The following GLIPR1L1 variants were observed in gnomAD, a reference collection of about 807,000 sequenced individuals.
The protein encoded by GLIPR1L1 is GLIPR1 like 1, also known as GLIPR1-like protein 1.
GLIPR1L1 carries 26 observed loss-of-function variants against 29.9 expected under a neutral mutation model. That is an observed-to-expected ratio of 0.87 (90% CI 0.64 to 1.21). The LOEUF (loss-of-function observed/expected upper bound fraction) is 1.21. GLIPR1L1 is among the 50% of genes most tolerant of loss of function. The pLI, the probability that GLIPR1L1 is intolerant of heterozygous loss-of-function variation, is 0.00. For missense variants in GLIPR1L1, 305 were observed against 290.3 expected (o/e 1.05, Z -0.37); for synonymous variants, 77 against 97.5 (o/e 0.79, Z 1.24).
intron 3 of GLIPR1L1, among the ~76,000 whole-genome samples, chr12:75,350,581 G>A (rs1349654814): frequency 1.3e-5 from 2 of 152,022 alleles, no homozygotes; most frequent in Admixed American, 6.5e-5. Context: ...TCTGGAGTAG[G>A]CCCCCAGGAA....
At chr12:75,343,994 A>G in intron 2 of GLIPR1L1, 56 bp downstream of exon 2, 1 of 1,411,790 alleles carries the variant, frequency 7.1e-7, no homozygotes, top group Non-Finnish European at 9.7e-7. Context: ...TTTAATTGCC[A>G]GAATTTATTT....
chr12:75,360,321 G>A (rs1295768772), intron 3 of GLIPR1L1: 2 of 152,106 alleles, frequency 1.3e-5, no homozygotes, highest in African/African-American at 2.4e-5. Flanking sequence ...TTAACTCAAA[G>A]TCCATAATCC....
At chr12:75,368,188 C>T (rs4882689) in intron 4 of GLIPR1L1, among the ~76,000 whole-genome samples, 43,150 of 148,710 alleles carry the variant, frequency 0.29, 7,611 homozygotes, top group East Asian at 0.46. Context: ...CTTTCATTCT[C>T]GTGATAAATC....
In GLIPR1L1 at chr12:75,343,770, T is replaced by C. The variant is rs759111332; in HGVS notation, c.252T>C (p.Asp84=). Residue 84 remains aspartate (D), a synonymous_variant, in exon 2 of 6, where the codon GAT becomes GAC. Transcript: ENST00000378695. ...AATTTGAACATAATGACTGTTTGGA[T>C]AAATCATATAAATGCTATGCAGCTT... ...QCKFEHNDCL[D]KSYKCYAAFE... is the part of the protein sequence containing the mutation. 1 of 1,613,100 alleles carries C rather than the reference T, an allele frequency of 6.2e-7. No individual in the cohort carries two copies. Among genetic ancestry groups the C allele is most frequent in the Admixed American group, 1.7e-5 (1 of 59,988 alleles).
At chr12:75,356,682 T>C (rs768360370) in intron 3 of GLIPR1L1, among the ~76,000 whole-genome samples, 1 of 152,130 alleles carries the variant, frequency 6.6e-6, no homozygotes, top group Non-Finnish European at 1.5e-5. Context: ...GATGATAGCA[T>C]CAAACCTAAC....
intron 1 of GLIPR1L1, among the ~76,000 whole-genome samples, chr12:75,337,308 G>A (rs992839511): frequency 1.7e-4 from 26 of 151,762 alleles, no homozygotes; most frequent in Middle Eastern, 6.9e-3. Flanking sequence ...AATATCAAAA[G>A]TTGGTTTAAA....
chr12:75,349,542 G>A (rs1429094980), intron 3 of GLIPR1L1, among the ~76,000 whole-genome samples: 3 of 152,094 alleles, frequency 2.0e-5, no homozygotes, highest in African/African-American at 7.2e-5. Flanking sequence ...AACTTACACA[G>A]ATGTTATAAT....
intron 3 of GLIPR1L1, among the ~76,000 whole-genome samples, chr12:75,350,740 A>C (rs2042751686): frequency 6.6e-6 from 1 of 152,244 alleles, no homozygotes; most frequent in Non-Finnish European, 1.5e-5. Flanking sequence ...AAGATGAGAA[A>C]GAATCAACGC....
chr12:75,341,168 T>G (rs1011763559), intron 1 of GLIPR1L1, among the ~76,000 whole-genome samples: 5 of 152,226 alleles, frequency 3.3e-5, no homozygotes, highest in African/African-American at 1.2e-4. Flanking sequence ...CAAATATTTA[T>G]GGATACTCCC....
chr12:75,365,686 C>G (rs769465055), intron 4 of GLIPR1L1, among the ~76,000 whole-genome samples: 9 of 151,912 alleles, frequency 5.9e-5, no homozygotes, highest in Non-Finnish European at 2.9e-5. Flanking sequence ...TTACATTTAC[C>G]TCATTATTTA....
intron 4 of GLIPR1L1, among the ~76,000 whole-genome samples, chr12:75,366,536 A>G (rs2043973040): frequency 6.6e-6 from 1 of 152,162 alleles, no homozygotes; most frequent in Admixed American, 6.6e-5. Flanking sequence ...GCATGCCCTC[A>G]AACTTTTTCA....
intron 3 of GLIPR1L1, chr12:75,360,203 C>G (rs1422623949): frequency 6.6e-6 from 1 of 152,078 alleles, no homozygotes; most frequent in East Asian, 1.9e-4. Context: ...GGACACAGAG[C>G]CAAACCCTAT....
In GLIPR1L1 at chr12:75,370,307, T is replaced by C. The variant is rs187648553; in HGVS notation, c.*131T>C. Reference sequence around the variant, plus strand: ...CTTGCCTGATACCTAAATTTAATGTTTGTTTTTAACTCAAAAAATGTACTG... The same window carrying C: ...CTTGCCTGATACCTAAATTTAATGTCTGTTTTTAACTCAAAAAATGTACTG... On this transcript the variant is annotated 3_prime_UTR_variant, in exon 6 of 6. Coordinates refer to ENST00000378695, the MANE Select transcript of GLIPR1L1 (RefSeq NM_001304964.2). 1.4e-5 allele frequency: 8 copies of C among 566,528 alleles called. No individual in the cohort carries two copies. The East Asian group carries it at 2.2e-4, about 16-fold the overall frequency. 35.1% of individuals were successfully genotyped at this position (566,528 alleles called of 1,614,324 possible).
chr12:75,368,071 T>C (rs553751037), intron 4 of GLIPR1L1, among the ~76,000 whole-genome samples: 15 of 152,186 alleles, frequency 9.9e-5, no homozygotes, highest in African/African-American at 2.9e-4. Context: ...AATGTCTTAA[T>C]ATTGTAAACT....
At chr12:75,365,951 C>T (rs902846921) in intron 4 of GLIPR1L1, among the ~76,000 whole-genome samples, 1 of 152,070 alleles carries the variant, frequency 6.6e-6, no homozygotes, top group African/African-American at 2.4e-5. Context: ...TTTTATAACC[C>T]TTATGCAAAA....
intron 3 of GLIPR1L1, among the ~76,000 whole-genome samples, chr12:75,349,773 C>T (rs2042681837): frequency 6.6e-6 from 1 of 151,912 alleles, no homozygotes; most frequent in Non-Finnish European, 1.5e-5. Context: ...TTCAAGACTG[C>T]AGTGAGCCAT....
intron 3 of GLIPR1L1, among the ~76,000 whole-genome samples, chr12:75,358,922 C>T (rs2139555716): frequency 7.0e-6 from 1 of 143,722 alleles, no homozygotes; most frequent in East Asian, 2.0e-4. Context: ...TTAGTACAGA[C>T]TGCATAAAAC....
At chr12:75,359,968 A>G (rs1345081561) in intron 3 of GLIPR1L1, 3 of 152,192 alleles carry the variant, frequency 2.0e-5, no homozygotes, top group Non-Finnish European at 4.4e-5. Context: ...GCATAAGGCA[A>G]AGGGGAAACA....
chr12:75,341,813 G>A (rs2042141347), intron 1 of GLIPR1L1, among the ~76,000 whole-genome samples: 1 of 129,010 alleles, frequency 7.8e-6, no homozygotes, highest in South Asian at 2.5e-4. Context: ...GCAATGGCAC[G>A]GTCTTGGCTC....
Sources: allele counts gnomAD v4.1 joint callset (sites outside exome capture counted in the v4.1 genomes callset), GRCh38; gene constraint gnomAD v4.1.1; transcripts MANE v1.5; gene names NCBI Gene and HGNC (gene_info 2026-07-23, HGNC 2026-07-21).